The following IMMP2L variants were observed in gnomAD, a reference collection of about 807,000 sequenced individuals.
The protein encoded by IMMP2L is inner mitochondrial membrane peptidase subunit 2.
A neutral mutation model predicts 19.3 loss-of-function variants in IMMP2L; 18 were observed. The observed-to-expected ratio is 0.93, with a 90% CI of 0.64 to 1.38. IMMP2L has a LOEUF of 1.38. Ranked by LOEUF, IMMP2L falls within the 40% of genes most tolerant of loss-of-function variation. The pLI, the probability that IMMP2L is intolerant of heterozygous loss-of-function variation, is 0.00. For synonymous variants in IMMP2L, 76 were observed against 73.0 expected, an observed-to-expected ratio of 1.04 and a Z score of -0.21; for missense variants, 233 against 218.2, an observed-to-expected ratio of 1.07 and a Z score of -0.43.
At chr7:111,225,704 A>G (rs1813013053) in intron 3 of IMMP2L, among the ~76,000 whole-genome samples, 1 of 151,698 alleles carries the variant, frequency 6.6e-6, no homozygotes, top group Non-Finnish European at 1.5e-5. Context: ...AAAAAAAAAA[A>G]AAAAAGAATG....
chr7:110,987,293 G>A (rs765229124), intron 3 of IMMP2L, among the ~76,000 whole-genome samples: 52 of 152,242 alleles, frequency 3.4e-4, no homozygotes, highest in Admixed American at 9.2e-4. Context: ...TCTTGACAGG[G>A]GAAAGGGTAA....
chr7:111,548,274 G>C (rs900484092), intron 1 of IMMP2L, among the ~76,000 whole-genome samples: 34 of 151,978 alleles, frequency 2.2e-4, no homozygotes, highest in African/African-American at 8.0e-4. Context: ...TTGACTGCAT[G>C]CTTCTCTAGA....
chr7:110,796,372 C>CT (rs2131181896), intron 5 of IMMP2L, among the ~76,000 whole-genome samples: 2 of 152,184 alleles, frequency 1.3e-5, no homozygotes, highest in East Asian at 3.9e-4. Flanking sequence ...AAATAGAACT[C>CT]TATCTTCTTG....
chr7:110,671,809 G>A (rs1221486802), intron 5 of IMMP2L, among the ~76,000 whole-genome samples: 2 of 152,112 alleles, frequency 1.3e-5, no homozygotes, highest in African/African-American at 4.8e-5. Flanking sequence ...AAAGAGCCTT[G>A]AGTTGGGATA....
intron 5 of IMMP2L, among the ~76,000 whole-genome samples, chr7:110,885,877 C>T (rs963755851): frequency 1.4e-4 from 22 of 152,032 alleles, no homozygotes; most frequent in Admixed American, 1.2e-3. Context: ...CGCAGAGGGG[C>T]TTCTGTACAA....
chr7:110,671,319 C>G lies in IMMP2L; in HGVS notation c.409-7598G>C, dbSNP rs191539140. On this transcript the variant is annotated intron_variant, in intron 5 of 5. Transcript: ENST00000405709. Reference sequence around the variant, plus strand: ...ATATGCTATTAACAATCCATAAAATCAAATGTTAATATGGCTTAGATTCTT... The same window carrying G: ...ATATGCTATTAACAATCCATAAAATGAAATGTTAATATGGCTTAGATTCTT... Among the ~76,000 whole-genome samples, 23 of 152,260 alleles carry G rather than the reference C, an allele frequency of 1.5e-4. No individual in the cohort carries two copies. The East Asian group carries it at 3.9e-3, about 26-fold the overall frequency.
At chr7:111,189,787 T>C (rs112363059) in intron 3 of IMMP2L, among the ~76,000 whole-genome samples, 2,236 of 152,232 alleles carry the variant, frequency 0.015, 77 homozygotes, top group African/African-American at 0.052. Context: ...ACCCCAGGCA[T>C]GGGAAATAGA....
At chr7:111,301,283 T>G (rs1421619458) in intron 3 of IMMP2L, among the ~76,000 whole-genome samples, 3 of 152,144 alleles carry the variant, frequency 2.0e-5, no homozygotes, top group African/African-American at 7.2e-5. Flanking sequence ...GTTCATTTCC[T>G]AATTGAATTG....
At chr7:111,239,240 A>C (rs1427748172) in intron 3 of IMMP2L, among the ~76,000 whole-genome samples, 2 of 151,900 alleles carry the variant, frequency 1.3e-5, no homozygotes, top group Non-Finnish European at 2.9e-5. Flanking sequence ...ACTTTCCCTG[A>C]AATCACCTCT....
chr7:111,544,862 C>G (rs1848779938), intron 1 of IMMP2L, among the ~76,000 whole-genome samples: 1 of 150,026 alleles, frequency 6.7e-6, no homozygotes, highest in Admixed American at 6.7e-5. Context: ...TGGCAAGAAA[C>G]AAAACAGGCA....
chr7:110,769,220 G>A (rs540454804), intron 5 of IMMP2L, among the ~76,000 whole-genome samples: 1 of 152,150 alleles, frequency 6.6e-6, no homozygotes, highest in East Asian at 1.9e-4. Context: ...AATTGTATTT[G>A]TTCTTTCCTG....
intron 5 of IMMP2L, among the ~76,000 whole-genome samples, chr7:110,801,839 C>T (rs1404335142): frequency 6.6e-6 from 1 of 152,068 alleles, no homozygotes; most frequent in Non-Finnish European, 1.5e-5. Flanking sequence ...GGTTGGGTGA[C>T]ACAGCTTGCT....
intron 3 of IMMP2L, among the ~76,000 whole-genome samples, chr7:111,467,612 C>A (rs1388997883): frequency 6.6e-6 from 1 of 152,068 alleles, no homozygotes. Context: ...AGGTTAATTA[C>A]CCTTTTAACT....
intron 5 of IMMP2L, among the ~76,000 whole-genome samples, chr7:110,786,867 AC>A (rs923160552): frequency 1.3e-5 from 2 of 152,038 alleles, no homozygotes; most frequent in Non-Finnish European, 2.9e-5. Flanking sequence ...TTTCTCCATA[AC>A]ACTGAAAGCC....
rs560363536 is a variant in IMMP2L, at chr7:111,229,431, T to C, written c.239+257807A>G. 2.5e-3 allele frequency among the ~76,000 whole-genome samples: 376 copies of C among 152,158 alleles called. 4 individuals carry two copies. The highest frequency in any genetic ancestry group is 8.6e-3 in the African/African-American group (358 of 41,532). On this transcript the variant is annotated intron_variant, in intron 3 of 5. Coordinates refer to ENST00000405709, the MANE Select transcript of IMMP2L (RefSeq NM_032549.4). Reference sequence around the variant, plus strand: ...AGGTATGCAAATCACAATCAGGTGATCAAGGTAATTGCTTTTCCTTAGGGT... The same window carrying C: ...AGGTATGCAAATCACAATCAGGTGACCAAGGTAATTGCTTTTCCTTAGGGT...
intron 3 of IMMP2L, among the ~76,000 whole-genome samples, chr7:111,104,179 C>T (rs1272458117): frequency 6.6e-6 from 1 of 151,566 alleles, no homozygotes; most frequent in Non-Finnish European, 1.5e-5. Context: ...ATGCACATAC[C>T]TGCCTTTACT....
intron 5 of IMMP2L, among the ~76,000 whole-genome samples, chr7:110,823,069 G>C (rs1563000823): frequency 6.6e-6 from 1 of 152,068 alleles, no homozygotes; most frequent in Non-Finnish European, 1.5e-5. Flanking sequence ...TTATGAACAT[G>C]ACTGATGGAG....
chr7:111,107,298 T>TA (rs1206894809), intron 3 of IMMP2L, among the ~76,000 whole-genome samples: 1 of 152,050 alleles, frequency 6.6e-6, no homozygotes, highest in African/African-American at 2.4e-5. Context: ...TATGGGCATG[T>TA]AAAATTGCCT....
rs191911671 is a variant in IMMP2L at position 111,275,699 on chromosome 7, G to C, written c.239+211539C>G. On this transcript the variant is annotated intron_variant, in intron 3 of 5. Coordinates refer to ENST00000405709, the MANE Select transcript of IMMP2L (RefSeq NM_032549.4). Reference sequence around the variant, plus strand: ...GTGAGAATGGAATGTTTTTCCGTTTGTTTGTGTTATCTATGATTTCTTTCA... The same window carrying C: ...GTGAGAATGGAATGTTTTTCCGTTTCTTTGTGTTATCTATGATTTCTTTCA... Among the ~76,000 whole-genome samples the C allele has an allele frequency of 1.2e-4, 19 of 152,120 alleles. No individual in the cohort carries two copies. In the East Asian group the frequency reaches 3.7e-3, roughly 29 times the overall value.
Sources: gnomAD v4.1 joint callset for allele counts (sites outside exome capture counted in the v4.1 genomes callset) on GRCh38, gnomAD v4.1.1 for gene constraint, MANE v1.5 for transcripts, NCBI Gene and HGNC (gene_info 2026-07-23, HGNC 2026-07-21) for gene names.